SPECC1: variants seen among roughly 807,000 people sequenced by gnomAD.
SPECC1 encodes the protein sperm antigen with calponin homology and coiled-coil domains 1.
Under a neutral mutation model 104.1 loss-of-function variants are expected in SPECC1, and 62 were observed. The observed-to-expected ratio is 0.60, with a 90% CI of 0.49 to 0.74. The LOEUF is 0.74. Ranked by LOEUF, SPECC1 falls within the 30% of genes least tolerant of loss-of-function variation. The probability of loss-of-function intolerance (pLI) is 0.00; values close to 1 mark genes in which losing one functional copy is unlikely to be tolerated. For synonymous variants in SPECC1, 513 were observed against 501.6 expected (o/e 1.02, Z -0.30); for missense variants, 1,306 against 1,310.5 (o/e 1.00, Z 0.05).
chr17:20,110,633 A>AT lies in SPECC1; in HGVS notation c.283+72dup. 3 of 1,460,438 alleles carry AT rather than the reference A, an allele frequency of 2.1e-6. 1 individual carries two copies. The highest frequency in any genetic ancestry group is 2.7e-6 in the Non-Finnish European group (3 of 1,096,480). The allele number at this position is 1,460,438 out of a possible 1,614,324, so 90.5% of individuals were successfully genotyped here. A position where few individuals can be genotyped will look rare whatever the true frequency, so the allele number is the denominator to read the frequency against. On this transcript the variant is annotated intron_variant, in intron 3 of 14. Transcript: ENST00000395527. ...CCGCATGGAAGCACTTCAGTGACCC[A>AT]TGACCCATCCATTCCTTCCCTCGTG...
At chr17:20,242,519 A>G (rs2151525001) in intron 7 of SPECC1, among the ~76,000 whole-genome samples, 1 of 152,306 alleles carries the variant, frequency 6.6e-6, no homozygotes. Context: ...CTGGCCTGCA[A>G]CTGTTGTTCT....
At chr17:20,025,452 C>T (rs1273665298) in intron 1 of SPECC1, among the ~76,000 whole-genome samples, 1 of 152,212 alleles carries the variant, frequency 6.6e-6, no homozygotes, top group Non-Finnish European at 1.5e-5. Context: ...ATTTCCGATG[C>T]ATGGAATCAT....
At chr17:20,164,416 C>T (rs2033462803) in intron 3 of SPECC1, among the ~76,000 whole-genome samples, 1 of 152,078 alleles carries the variant, frequency 6.6e-6, no homozygotes. Flanking sequence ...GTCCTCTCAC[C>T]TAAGCCTCCC....
intron 12 of SPECC1, among the ~76,000 whole-genome samples, chr17:20,291,848 G>T (rs934163145): frequency 2.6e-5 from 4 of 151,492 alleles, no homozygotes; most frequent in Non-Finnish European, 5.9e-5. Flanking sequence ...CCAGCCAAGG[G>T]ACTCATACTT....
rs2042001528 is a variant in SPECC1, at chr17:20,314,106, A to G, written c.*41A>G. The G allele has an allele frequency of 6.4e-7, 1 of 1,573,048 alleles. No homozygotes were observed. Among genetic ancestry groups the G allele is most frequent in the Non-Finnish European group, 8.7e-7 (1 of 1,146,842 alleles). ...GGCAGCCACCATTGCCACCTACTGCAGCTTTTCCTGGAAGCGCCTGATTAC... is the reference window on the plus strand; with the variant it reads ...GGCAGCCACCATTGCCACCTACTGCGGCTTTTCCTGGAAGCGCCTGATTAC... On this transcript the variant is annotated 3_prime_UTR_variant, in exon 15 of 15. Coordinates refer to ENST00000395527, the MANE Select transcript of SPECC1 (RefSeq NM_001243439.2).
intron 3 of SPECC1, among the ~76,000 whole-genome samples, chr17:20,121,956 G>C: frequency 6.6e-6 from 1 of 152,222 alleles, no homozygotes. Context: ...GCCTGGCACT[G>C]TTCTAGGCAA....
chr17:20,309,708 G>A (rs889932490), intron 14 of SPECC1, among the ~76,000 whole-genome samples: 1 of 152,034 alleles, frequency 6.6e-6, no homozygotes. Context: ...CTGAATCCAC[G>A]CTGCTGCAAA....
At chr17:20,020,862 G>A (rs749813564) in intron 1 of SPECC1, among the ~76,000 whole-genome samples, 1 of 152,222 alleles carries the variant, frequency 6.6e-6, no homozygotes, top group East Asian at 1.9e-4. Flanking sequence ...CAGTTGACCC[G>A]TGAACAATGA....
At chr17:20,020,697 C>T (rs949412160) in intron 1 of SPECC1, among the ~76,000 whole-genome samples, 5 of 152,182 alleles carry the variant, frequency 3.3e-5, no homozygotes, top group Admixed American at 3.3e-4. Flanking sequence ...CATTCTTAGC[C>T]CTTTATCATC....
intron 3 of SPECC1, among the ~76,000 whole-genome samples, chr17:20,151,749 CT>C (rs2032024842): frequency 6.6e-6 from 1 of 152,192 alleles, no homozygotes; most frequent in South Asian, 2.1e-4. Context: ...CCCTGAACTG[CT>C]TTTTAAAATT....
intron 14 of SPECC1, among the ~76,000 whole-genome samples, chr17:20,309,354 AT>A (rs2041863031): frequency 6.6e-6 from 1 of 152,236 alleles, no homozygotes; most frequent in Non-Finnish European, 1.5e-5. Flanking sequence ...TCAAGTAAAT[AT>A]AAGTTTCTGG....
At chr17:20,050,426 A>G (rs1339209283) in intron 1 of SPECC1, among the ~76,000 whole-genome samples, 3 of 152,190 alleles carry the variant, frequency 2.0e-5, no homozygotes, top group Non-Finnish European at 4.4e-5. Context: ...CTGTTTGTCT[A>G]TTCATGTACC....
chr17:20,225,731 C>A (rs762168357), intron 4 of SPECC1, among the ~76,000 whole-genome samples: 1 of 152,120 alleles, frequency 6.6e-6, no homozygotes, highest in Admixed American at 6.5e-5. Context: ...GCACTGTGAT[C>A]GTTCATCTGA....
chr17:20,197,557 C>A (rs947617970), intron 3 of SPECC1, among the ~76,000 whole-genome samples: 1 of 152,182 alleles, frequency 6.6e-6, no homozygotes, highest in African/African-American at 2.4e-5. Flanking sequence ...TTTGAGCTTG[C>A]AAAGGCTTTT....
intron 1 of SPECC1, among the ~76,000 whole-genome samples, chr17:20,037,437 C>T (rs537481973): frequency 6.6e-6 from 1 of 152,142 alleles, no homozygotes; most frequent in African/African-American, 2.4e-5. Context: ...AGGTGTGAGC[C>T]ACTGCACCTG....
chr17:20,164,258 T>C (rs2033443394), intron 3 of SPECC1, among the ~76,000 whole-genome samples: 1 of 151,682 alleles, frequency 6.6e-6, no homozygotes, highest in African/African-American at 2.4e-5. Flanking sequence ...ACTGCAGCCT[T>C]GACCTTCCTC....
chr17:20,243,030 C>T (rs2039272443), intron 7 of SPECC1, among the ~76,000 whole-genome samples: 1 of 152,090 alleles, frequency 6.6e-6, no homozygotes, highest in Non-Finnish European at 1.5e-5. Context: ...GAAGAAAGAG[C>T]CAATCATGAA....
chr17:20,018,692 A>T (rs1353803853), intron 1 of SPECC1, among the ~76,000 whole-genome samples: 1 of 152,256 alleles, frequency 6.6e-6, no homozygotes, highest in Non-Finnish European at 1.5e-5. Flanking sequence ...AAGCACAATC[A>T]GCAAAGGGAA....
At chr17:20,131,588 T>C (rs1174039621) in intron 3 of SPECC1, among the ~76,000 whole-genome samples, 1 of 151,980 alleles carries the variant, frequency 6.6e-6, no homozygotes, top group African/African-American at 2.4e-5. Flanking sequence ...GTGCTAACAG[T>C]AGACATCTTT....
Sources: gnomAD v4.1 joint callset for allele counts (sites outside exome capture counted in the v4.1 genomes callset) on GRCh38, gnomAD v4.1.1 for gene constraint, MANE v1.5 for transcripts, NCBI Gene and HGNC (gene_info 2026-07-23, HGNC 2026-07-21) for gene names.